Variants in UBE2D2 observed in about 807,000 individuals in gnomAD.
UBE2D2 encodes the protein ubiquitin conjugating enzyme E2 D2, also known as ubiquitin-conjugating enzyme E2 D2.
Under a neutral mutation model 24.2 loss-of-function variants are expected in UBE2D2, and 2 were observed. That is an observed-to-expected ratio of 0.08 (90% confidence interval 0.03 to 0.26). The LOEUF is 0.26. Among genes scored for constraint, UBE2D2 ranks in the 10% least tolerant of loss-of-function variants. UBE2D2 has a pLI of 1.00. For synonymous variants in UBE2D2, 58 were observed against 56.5 expected (o/e 1.03, Z -0.12); for missense variants, 44 against 177.6 (o/e 0.25, Z 4.28).
At chr5:139,594,318 G>C (rs985815339) in intron 1 of UBE2D2, among the ~76,000 whole-genome samples, 2 of 151,852 alleles carry the variant, frequency 1.3e-5, no homozygotes, top group African/African-American at 4.8e-5. Context: ...GAATTTAGAG[G>C]GTTTCTTTTT....
chr5:139,564,046 C>T lies in UBE2D2; in HGVS notation c.24+2231C>T, dbSNP rs1356122297. 2.6e-5 allele frequency among the ~76,000 whole-genome samples: 4 copies of T among 152,128 alleles called. No individual in the cohort carries two copies. The East Asian group carries it at 7.7e-4, about 29-fold the overall frequency. On this transcript the variant is annotated intron_variant, in intron 1 of 6. Transcript: ENST00000398733. Reference sequence around the variant, plus strand: ...AAAACATACGTTTTAATTAATAATACTTGCTCTGGTAATATAGTTTCTTAT... The same window carrying T: ...AAAACATACGTTTTAATTAATAATATTTGCTCTGGTAATATAGTTTCTTAT...
chr5:139,540,985 C>T (rs1171453071), intron 1 of UBE2D2, among the ~76,000 whole-genome samples: 2 of 149,440 alleles, frequency 1.3e-5, no homozygotes, highest in Non-Finnish European at 3.0e-5. Context: ...AAGAGCAAAA[C>T]TCAGTCTCAA....
At chr5:139,535,971 C>T (rs1228605833) in intron 1 of UBE2D2, among the ~76,000 whole-genome samples, 1 of 151,612 alleles carries the variant, frequency 6.6e-6, no homozygotes, top group Non-Finnish European at 1.5e-5. Context: ...CGGCTCACTG[C>T]AACCTCTGCC....
rs146873910 is a variant in UBE2D2 at position 139,616,636 on chromosome 5, A to G, written c.304+1670A>G. On this transcript the variant is annotated intron_variant, in intron 5 of 6. Coordinates refer to ENST00000398733, the MANE Select transcript of UBE2D2 (RefSeq NM_003339.3). ...ACACTAATGAGGTACATTGAAATGA[A>G]CACTCATATTCTTCAAGTAGAGGTA... 2.1e-3 allele frequency among the ~76,000 whole-genome samples: 323 copies of G among 152,346 alleles called. 1 individual carries two copies. The highest frequency in any genetic ancestry group is 7.3e-3 in the African/African-American group (305 of 41,574).
intron 1 of UBE2D2, 75 bp downstream of exon 1, chr5:139,561,890 G>A: frequency 1.4e-6 from 2 of 1,433,368 alleles, no homozygotes; most frequent in Non-Finnish European, 1.8e-6. Flanking sequence ...CGTAGTCTCC[G>A]TCGGGCTCGC....
intron 5 of UBE2D2, among the ~76,000 whole-genome samples, chr5:139,616,809 T>C (rs1241513050): frequency 6.6e-6 from 1 of 152,164 alleles, no homozygotes; most frequent in African/African-American, 2.4e-5. Context: ...ATTTGTGACA[T>C]TGTGATTTAG....
chr5:139,530,694 C>T (rs113882941), intron 1 of UBE2D2, among the ~76,000 whole-genome samples: 1,606 of 152,126 alleles, frequency 0.011, 14 homozygotes, highest in African/African-American at 0.036. Context: ...AAAATTTAAC[C>T]GTACTAATTA....
At chr5:139,545,376 T>TA (rs1482304540) in intron 1 of UBE2D2, among the ~76,000 whole-genome samples, 1 of 149,162 alleles carries the variant, frequency 6.7e-6, no homozygotes, top group Non-Finnish European at 1.5e-5. Context: ...CTTTGTCTTC[T>TA]ATTTTTTTTT....
chr5:139,615,247 G>A (rs1754398659), intron 5 of UBE2D2, among the ~76,000 whole-genome samples: 1 of 152,168 alleles, frequency 6.6e-6, no homozygotes, highest in Admixed American at 6.5e-5. Context: ...CACTTTGGGA[G>A]GCCGAGGCGG....
upstream of UBE2D2, among the ~76,000 whole-genome samples, chr5:139,559,425 C>CAAA (rs113176227): frequency 1.8e-5 from 2 of 108,456 alleles, no homozygotes; most frequent in Non-Finnish European, 2.0e-5. Context: ...GACTCCGTCT[C>CAAA]AAAAAAAAAA....
chr5:139,579,338 G>A (rs1229934894), intron 1 of UBE2D2, among the ~76,000 whole-genome samples: 1 of 152,066 alleles, frequency 6.6e-6, no homozygotes. Context: ...GTAGAGATGG[G>A]GTTTCTCCAT....
intron 1 of UBE2D2, among the ~76,000 whole-genome samples, chr5:139,574,849 A>G (rs1753434334): frequency 6.6e-6 from 1 of 152,098 alleles, no homozygotes; most frequent in Non-Finnish European, 1.5e-5. Flanking sequence ...TAGAATGGGA[A>G]TTGTACCCTG....
At chr5:139,582,961 C>T (rs1391950199) in intron 1 of UBE2D2, among the ~76,000 whole-genome samples, 2 of 150,194 alleles carry the variant, frequency 1.3e-5, no homozygotes, top group Admixed American at 6.7e-5. Flanking sequence ...TGAGCCACTG[C>T]GCCCGGCTTT....
chr5:139,597,920 G>A (rs2126683019), intron 1 of UBE2D2, among the ~76,000 whole-genome samples: 1 of 150,146 alleles, frequency 6.7e-6, no homozygotes, highest in African/African-American at 2.5e-5. Flanking sequence ...CTTTTTTTTT[G>A]AGACGAAGTC....
In UBE2D2 at chr5:139,564,758, C is replaced by T. The variant is rs186827577; in HGVS notation, c.24+2943C>T. ...TGTGAGCCACGTCATCTGGCCTGGC[C>T]TGAACTTTTAGAATTCAATATTAAC... On this transcript the variant is annotated intron_variant, in intron 1 of 6. Coordinates refer to ENST00000398733, the MANE Select transcript of UBE2D2 (RefSeq NM_003339.3). Among the ~76,000 whole-genome samples, 17 of 152,210 alleles carry T rather than the reference C, an allele frequency of 1.1e-4. No homozygotes were observed. The East Asian group carries it at 3.1e-3, about 28-fold the overall frequency.
intron 1 of UBE2D2, among the ~76,000 whole-genome samples, chr5:139,543,716 T>G (rs1332679889): frequency 6.6e-6 from 1 of 152,266 alleles, no homozygotes; most frequent in Non-Finnish European, 1.5e-5. Flanking sequence ...AATTCTTTCC[T>G]GAGAGCAGTG....
chr5:139,540,357 C>T (rs182870504), intron 1 of UBE2D2, among the ~76,000 whole-genome samples: 2 of 151,852 alleles, frequency 1.3e-5, no homozygotes, highest in Non-Finnish European at 2.9e-5. Flanking sequence ...ATCGACATAA[C>T]CTTCTATGTG....
intron 2 of UBE2D2, among the ~76,000 whole-genome samples, chr5:139,611,579 C>T (rs976091367): frequency 3.9e-5 from 6 of 152,136 alleles, no homozygotes; most frequent in African/African-American, 1.4e-4. Context: ...TGAAGCTGCC[C>T]ATTCCACTAA....
At chr5:139,533,007 C>T (rs1752616331) in intron 1 of UBE2D2, among the ~76,000 whole-genome samples, 1 of 151,248 alleles carries the variant, frequency 6.6e-6, no homozygotes, top group East Asian at 2.0e-4. Flanking sequence ...ACTCGGGAGG[C>T]TGAGGCTGGA....
Sources: allele counts gnomAD v4.1 joint callset (sites outside exome capture counted in the v4.1 genomes callset), GRCh38; gene constraint gnomAD v4.1.1; transcripts MANE v1.5; gene names NCBI Gene and HGNC (gene_info 2026-07-23, HGNC 2026-07-21).